The following MYO5B variants were observed in gnomAD, a reference collection of about 807,000 sequenced individuals.
MYO5B encodes the protein myosin VB.
MYO5B carries 143 observed loss-of-function variants against 229.3 expected under a neutral mutation model. That is an observed-to-expected ratio of 0.62 (90% CI 0.54 to 0.72). The LOEUF is 0.72. MYO5B is among the 30% of genes least tolerant of loss of function. The pLI is 0.00. For synonymous variants in MYO5B, 918 were observed against 885.2 expected, an observed-to-expected ratio of 1.04 and a Z score of -0.66; for missense variants, 2,321 against 2,331.0, an observed-to-expected ratio of 1.00 and a Z score of 0.09.
chr18:49,919,408 G>T (rs2025051058), intron 17 of MYO5B, among the ~76,000 whole-genome samples: 1 of 152,114 alleles, frequency 6.6e-6, no homozygotes, highest in South Asian at 2.1e-4. Flanking sequence ...GAAAATATTT[G>T]CAAGTCGTAT....
At chr18:50,183,504 A>G (rs1009335790) in intron 1 of MYO5B, among the ~76,000 whole-genome samples, 4 of 151,870 alleles carry the variant, frequency 2.6e-5, no homozygotes, top group African/African-American at 9.7e-5. Flanking sequence ...CCAGAAAGAA[A>G]GCAAAATGCC....
chr18:49,929,500 C>T lies in MYO5B; in HGVS notation c.2090+12G>A, dbSNP rs2025165971. On this transcript the variant is annotated intron_variant, in intron 17 of 39. Transcript: ENST00000285039. Reference sequence around the variant, plus strand: ...GCAGCCCCAGGAGGCAGCTGGCGGGCACGTTAGTTACCTGGATGGGTAGCC... The same window carrying T: ...GCAGCCCCAGGAGGCAGCTGGCGGGTACGTTAGTTACCTGGATGGGTAGCC... The T allele has an allele frequency of 6.3e-7, 1 of 1,599,412 alleles. No individual in the cohort carries two copies. Among genetic ancestry groups the T allele is most frequent in the African/African-American group, 1.3e-5 (1 of 74,762 alleles).
chr18:49,846,173 T>A (rs549208202), intron 33 of MYO5B, among the ~76,000 whole-genome samples: 1 of 152,294 alleles, frequency 6.6e-6, no homozygotes, highest in East Asian at 1.9e-4. Context: ...AAGCCAACCC[T>A]GATGAACTTT....
rs1308100144 is a variant in MYO5B, at chr18:49,837,795, G to A, written c.4860C>T (p.Ala1620=). 10 of 1,613,908 alleles carry A rather than the reference G, an allele frequency of 6.2e-6. No individual in the cohort carries two copies. Among genetic ancestry groups the A allele is most frequent in the African/African-American group, 4.0e-5 (3 of 74,906 alleles). ...CCTGAATGCTCTCATTTTCCAACATGGCAGAAACTGAAATAAAAGCACAGT... is the reference window on the plus strand; with the variant it reads ...CCTGAATGCTCTCATTTTCCAACATAGCAGAAACTGAAATAAAAGCACAGT... The part of the protein sequence containing the change: ...EGVLQPMIVS[A]MLENESIQGL... The change falls in exon 37 of 40, where the codon GCC becomes GCT. Residue 1620 remains alanine (A), a synonymous_variant. Coordinates refer to ENST00000285039, the MANE Select transcript of MYO5B (RefSeq NM_001080467.3).
intron 22 of MYO5B, among the ~76,000 whole-genome samples, chr18:49,882,068 A>G (rs1357473470): frequency 6.6e-6 from 1 of 152,166 alleles, no homozygotes; most frequent in Non-Finnish European, 1.5e-5. Flanking sequence ...CTAAAATCAC[A>G]TCCCTGCCTT....
Position 49,990,474 on chromosome 18 carries a change from G to A in MYO5B, c.803C>T (p.Ala268Val), listed in dbSNP as rs751144095. 18 of 1,613,936 alleles carry A rather than the reference G, an allele frequency of 1.1e-5. No individual in the cohort carries two copies. In the South Asian group the frequency reaches 1.9e-4, roughly 17 times the overall value. Residue 268 changes from alanine (A) to valine (V), a missense_variant, in exon 7 of 40, where the codon GCT becomes GTT. This residue lies in a region of MYO5B where 2,113 missense variants were observed against 2,044.7 expected (regional missense o/e 1.03). Coordinates refer to ENST00000285039, the MANE Select transcript of MYO5B (RefSeq NM_001080467.3). ...CTCTTTAAATTCTGGAAGACCGGCA[G>A]CAGCACAGAGCTGGTAAAAGATGTG... ...NYHIFYQLCA[A>V]AGLPEFKELA...
chr18:50,046,723 CA>C (rs903936829), intron 2 of MYO5B, among the ~76,000 whole-genome samples: 6 of 151,794 alleles, frequency 4.0e-5, no homozygotes, highest in African/African-American at 9.7e-5. Flanking sequence ...TAGACAAGCA[CA>C]AAAAAACACA....
rs761320877 is a variant in MYO5B, at chr18:49,824,975, C to T, written c.*1496G>A. On this transcript the variant is annotated 3_prime_UTR_variant, in exon 40 of 40. Transcript: ENST00000285039. ...TCTAAGGGCACAGTGCAGAAGGTAGCGTGGAGTGTGCTGTGTTTCCAAGAG... is the reference window on the plus strand; with the variant it reads ...TCTAAGGGCACAGTGCAGAAGGTAGTGTGGAGTGTGCTGTGTTTCCAAGAG... The T allele has an allele frequency of 1.3e-5, 2 of 152,156 alleles. No homozygotes were observed. Among genetic ancestry groups the T allele is most frequent in the Non-Finnish European group, 2.9e-5 (2 of 68,038 alleles). 9.4% of individuals were successfully genotyped at this position (152,156 alleles called of 1,614,324 possible).
chr18:49,989,881 T>A (rs112277301), intron 7 of MYO5B, among the ~76,000 whole-genome samples: 10 of 152,316 alleles, frequency 6.6e-5, no homozygotes, highest in African/African-American at 1.9e-4. Context: ...GAAGCTTCCA[T>A]GCCAGTCCAC....
Position 49,990,363 on chromosome 18 carries a change from T to A in MYO5B, c.838+76A>T, listed in dbSNP as rs1224449162. On this transcript the variant is annotated intron_variant, in intron 7 of 39. Transcript: ENST00000285039. Reference sequence around the variant, plus strand: ...GACAAGAACCCATGACGGAGGGCTTTGAGCAGAGCCCCCAGCTGTGCACCC... The same window carrying A: ...GACAAGAACCCATGACGGAGGGCTTAGAGCAGAGCCCCCAGCTGTGCACCC... 5 of 1,275,344 alleles carry A rather than the reference T, an allele frequency of 3.9e-6. No homozygotes were observed. In the African/African-American group the frequency reaches 7.4e-5, roughly 19 times the overall value. 79.0% of individuals were successfully genotyped at this position (1,275,344 alleles called of 1,614,324 possible).
chr18:49,840,793 C>G (rs776479867), intron 35 of MYO5B, among the ~76,000 whole-genome samples: 23 of 152,104 alleles, frequency 1.5e-4, no homozygotes, highest in Non-Finnish European at 3.1e-4. Context: ...CTTACAGGTC[C>G]GGTGTGGATT....
chr18:49,873,193 T>C (rs890006629), intron 26 of MYO5B, among the ~76,000 whole-genome samples: 2 of 152,244 alleles, frequency 1.3e-5, no homozygotes, highest in Non-Finnish European at 2.9e-5. Context: ...TCCTCAGTTA[T>C]TTAGCTGCTA....
At chr18:50,172,091 C>T (rs902125345) in intron 1 of MYO5B, among the ~76,000 whole-genome samples, 20 of 151,996 alleles carry the variant, frequency 1.3e-4, no homozygotes, top group African/African-American at 3.4e-4. Flanking sequence ...GACAAGCCTG[C>T]ACAACAAGGC....
chr18:49,954,210 A>T, intron 13 of MYO5B, 103 bp downstream of exon 13: 1 of 1,545,200 alleles, frequency 6.5e-7, no homozygotes, highest in Non-Finnish European at 8.9e-7. Context: ...GCTTCAGGCC[A>T]TTTGAATTCA....
At chr18:50,119,051 T>G (rs539100301) in intron 1 of MYO5B, among the ~76,000 whole-genome samples, 4 of 152,216 alleles carry the variant, frequency 2.6e-5, no homozygotes, top group Non-Finnish European at 5.9e-5. Context: ...AATTCTGGAC[T>G]TCTAGAATAG....
At chr18:50,095,942 G>A (rs1251886408) in intron 1 of MYO5B, among the ~76,000 whole-genome samples, 1 of 152,194 alleles carries the variant, frequency 6.6e-6, no homozygotes, top group Non-Finnish European at 1.5e-5. Context: ...TCAAATGTGA[G>A]TCGGTCCCAA....
At chr18:49,856,552 T>C (rs568227565) in intron 30 of MYO5B, among the ~76,000 whole-genome samples, 1 of 152,316 alleles carries the variant, frequency 6.6e-6, no homozygotes, top group Admixed American at 6.5e-5. Context: ...CTTGTCTCTT[T>C]CTTCACCTAT....
At chr18:49,930,699 T>C (rs1568035176) in intron 16 of MYO5B, among the ~76,000 whole-genome samples, 1 of 152,118 alleles carries the variant, frequency 6.6e-6, no homozygotes, top group Non-Finnish European at 1.5e-5. Flanking sequence ...GAGACCATCC[T>C]GGCTAACACG....
chr18:50,175,219 C>T (rs1012745765), intron 1 of MYO5B, among the ~76,000 whole-genome samples: 3 of 152,194 alleles, frequency 2.0e-5, no homozygotes, highest in Non-Finnish European at 4.4e-5. Context: ...CCACACCATG[C>T]CTGCCTCCCT....
Sources: allele counts gnomAD v4.1 joint callset (sites outside exome capture counted in the v4.1 genomes callset), GRCh38; gene constraint gnomAD v4.1.1; regional missense constraint gnomAD v4.1.1; transcripts MANE v1.5; gene names NCBI Gene and HGNC (gene_info 2026-07-23, HGNC 2026-07-21).